PCBP3: variants seen among roughly 807,000 people sequenced by gnomAD.
PCBP3 encodes poly(rC)-binding protein 3.
PCBP3 carries 25 observed loss-of-function variants against 52.7 expected under a neutral mutation model. That is an observed-to-expected ratio of 0.47 (90% CI 0.35 to 0.66). The LOEUF is 0.66. PCBP3 is among the 30% of genes least tolerant of loss of function. The pLI is 0.01. For synonymous variants in PCBP3, 162 were observed against 183.0 expected (o/e 0.89, Z 0.93); for missense variants, 391 against 490.3 (o/e 0.80, Z 1.91).
intron 2 of PCBP3, among the ~76,000 whole-genome samples, chr21:45,707,341 C>T (rs1207739115): frequency 6.6e-6 from 1 of 151,892 alleles, no homozygotes; most frequent in Non-Finnish European, 1.5e-5. Context: ...CATGGTGAAA[C>T]CCCGTCTCTA....
chr21:45,926,532 A>C (rs1300822634), intron 13 of PCBP3, among the ~76,000 whole-genome samples: 1 of 152,168 alleles, frequency 6.6e-6, no homozygotes, highest in Admixed American at 6.5e-5. Flanking sequence ...GCAGTGGGAG[A>C]CAAGTAGACT....
At chr21:45,922,421 G>A (rs1244323102) in intron 13 of PCBP3, among the ~76,000 whole-genome samples, 7 of 152,128 alleles carry the variant, frequency 4.6e-5, no homozygotes, top group Admixed American at 6.5e-5. Flanking sequence ...TGGGTGTGGT[G>A]GCACACACCT....
At chr21:45,671,477 G>A (rs2081170777) in intron 2 of PCBP3, among the ~76,000 whole-genome samples, 1 of 152,190 alleles carries the variant, frequency 6.6e-6, no homozygotes, top group Admixed American at 6.5e-5. Context: ...TGGAAGGGGA[G>A]AATGGAAGAT....
chr21:45,875,164 C>T (rs1205316408), intron 5 of PCBP3, among the ~76,000 whole-genome samples: 3 of 152,026 alleles, frequency 2.0e-5, no homozygotes, highest in Admixed American at 1.3e-4. Context: ...CCATGTTGCG[C>T]GCTCCGGCTG....
chr21:45,685,369 A>C (rs2082089133), intron 2 of PCBP3, among the ~76,000 whole-genome samples: 1 of 152,198 alleles, frequency 6.6e-6, no homozygotes, highest in South Asian at 2.1e-4. Context: ...ATGCCACTTA[A>C]CTGTACACTT....
At chr21:45,905,675 TGG>T (rs2096184771) in intron 9 of PCBP3, among the ~76,000 whole-genome samples, 1 of 152,246 alleles carries the variant, frequency 6.6e-6, no homozygotes, top group Non-Finnish European at 1.5e-5. Context: ...GTCTTCTTCC[TGG>T]GTCCTCACAG....
At chr21:45,861,623 T>C (rs574128417) in intron 5 of PCBP3, among the ~76,000 whole-genome samples, 1 of 152,166 alleles carries the variant, frequency 6.6e-6, no homozygotes, top group African/African-American at 2.4e-5. Context: ...CCTCCTCTTC[T>C]TCCCTGACCC....
In PCBP3 at chr21:45,827,278, C is replaced by T. The variant is rs889062464; in HGVS notation, c.-125-22683C>T. On this transcript the variant is annotated intron_variant, in intron 4 of 17. Coordinates refer to ENST00000681687, the MANE Select transcript of PCBP3 (RefSeq NM_001384156.1). This position sits in a 1 kb window ranked among gnomAD's most constrained non-coding sequence, Gnocchi z 4.3. ...GGCAATGAGGCAGCACACCTCTGCC[C>T]CCGCTGCGATGGTGTCGGAGGAGGC... Among the ~76,000 whole-genome samples the T allele has an allele frequency of 6.6e-6, 1 of 152,154 alleles. No homozygotes were observed. Among genetic ancestry groups the T allele is most frequent in the Non-Finnish European group, 1.5e-5 (1 of 68,020 alleles).
intron 2 of PCBP3, among the ~76,000 whole-genome samples, chr21:45,734,749 C>T (rs1352941513): frequency 6.6e-6 from 1 of 152,194 alleles, no homozygotes; most frequent in African/African-American, 2.4e-5. Context: ...CATGTCTGAA[C>T]ACCCTCGTCT....
intron 4 of PCBP3, among the ~76,000 whole-genome samples, chr21:45,770,963 C>A (rs2089817885): frequency 6.6e-6 from 1 of 152,250 alleles, no homozygotes; most frequent in African/African-American, 2.4e-5. Context: ...CTGTGCTTTC[C>A]AGTGGTTTGT....
Position 45,906,446 on chromosome 21 carries a change from C to T in PCBP3, c.340-2909C>T, listed in dbSNP as rs562952144. On this transcript the variant is annotated intron_variant, in intron 9 of 17. Coordinates refer to ENST00000681687, the MANE Select transcript of PCBP3 (RefSeq NM_001384156.1). ...GAGGCCTTTGGATAGGGGCTAGGGT[C>T]GGGTCGGGAAGGCCTTGGACAGGGG... Among the ~76,000 whole-genome samples, 502 of 151,716 alleles carry T rather than the reference C, an allele frequency of 3.3e-3. 6 individuals are homozygous for T. The highest frequency in any genetic ancestry group is 4.7e-4 in the Non-Finnish European group (32 of 67,894).
intron 5 of PCBP3, among the ~76,000 whole-genome samples, chr21:45,851,942 A>G (rs903560628): frequency 3.9e-5 from 6 of 152,236 alleles, no homozygotes; most frequent in Admixed American, 2.0e-4. Context: ...AAAATAGATA[A>G]TAAAGCTCCC....
intron 15 of PCBP3, among the ~76,000 whole-genome samples, chr21:45,933,302 C>G (rs2839064): frequency 6.6e-6 from 1 of 152,040 alleles, no homozygotes; most frequent in South Asian, 2.1e-4. Context: ...TGGGCCTTGC[C>G]GTCCTGAGAT....
intron 11 of PCBP3, among the ~76,000 whole-genome samples, chr21:45,913,690 G>T (rs1382701232): frequency 6.6e-6 from 1 of 152,226 alleles, no homozygotes; most frequent in South Asian, 2.1e-4. Context: ...CTCTCAGGAG[G>T]CCGGTGTGTG....
intron 5 of PCBP3, among the ~76,000 whole-genome samples, chr21:45,857,802 A>G (rs1259144210): frequency 6.6e-6 from 1 of 152,212 alleles, no homozygotes; most frequent in Non-Finnish European, 1.5e-5. Flanking sequence ...AGCATGTACC[A>G]GTGACCAGAA....
chr21:45,906,656 C>T (rs1186685960), intron 9 of PCBP3, among the ~76,000 whole-genome samples: 1 of 152,192 alleles, frequency 6.6e-6, no homozygotes, highest in Non-Finnish European at 1.5e-5. Context: ...ACACCCACCT[C>T]ATGAGGCAGG....
intron 2 of PCBP3, among the ~76,000 whole-genome samples, chr21:45,707,555 T>C (rs957760661): frequency 6.6e-6 from 1 of 152,102 alleles, no homozygotes; most frequent in Non-Finnish European, 1.5e-5. Context: ...AAATAAAATG[T>C]AGTTTCTGAC....
chr21:45,914,248 C>T, intron 12 of PCBP3: 1 of 647,944 alleles, frequency 1.5e-6, no homozygotes, highest in Non-Finnish European at 2.5e-6. Flanking sequence ...ATCATGTTCT[C>T]CCTCCCTGAC....
intron 11 of PCBP3, among the ~76,000 whole-genome samples, chr21:45,913,400 G>T (rs958661391): frequency 6.6e-6 from 1 of 152,222 alleles, no homozygotes; most frequent in African/African-American, 2.4e-5. Context: ...ATAGGTCCCG[G>T]TGGAGTCCTA....
Sources: gnomAD v4.1 joint callset for allele counts (sites outside exome capture counted in the v4.1 genomes callset) on GRCh38, gnomAD v4.1.1 for gene constraint, Gnocchi (gnomAD v3.1) non-coding constraint, MANE v1.5 for transcripts, NCBI Gene and HGNC (gene_info 2026-07-23, HGNC 2026-07-21) for gene names.